EIF3M: variants seen among roughly 807,000 people sequenced by gnomAD.
EIF3M encodes eukaryotic translation initiation factor 3 subunit M, also known as B5 receptor.
Under a neutral mutation model 49.7 loss-of-function variants are expected in EIF3M, and 25 were observed. The ratio of observed to expected loss-of-function variants is 0.50; its 90% confidence interval spans 0.37 to 0.70. EIF3M has a LOEUF of 0.70. EIF3M is among the 30% of genes least tolerant of loss of function. The pLI is 0.00. For missense variants in EIF3M, 350 were observed against 440.0 expected, an observed-to-expected ratio of 0.80 and a Z score of 1.83; for synonymous variants, 156 against 149.8, an observed-to-expected ratio of 1.04 and a Z score of -0.30.
In EIF3M at chr11:32,593,866, T is replaced by C; in HGVS notation, c.534T>C (p.Ser178=). ...LYEALVDCKK[S]DAASKVMVEL... ...TTCCTAAAGCAATATTTCTTTTTAG[T>C]GATGCTGCTTCAAAAGTCATGGTGG... Residue 178 remains serine, a splice_region_variant and synonymous_variant, in exon 6 of 11, where the codon AGT becomes AGC. Transcript: ENST00000531120. The C allele has an allele frequency of 6.4e-7, 1 of 1,563,904 alleles. No individual in the cohort carries two copies. The highest frequency in any genetic ancestry group is 8.6e-7 in the Non-Finnish European group (1 of 1,159,992).
intron 8 of EIF3M, among the ~76,000 whole-genome samples, chr11:32,599,129 C>A (rs960159703): frequency 6.6e-6 from 1 of 152,010 alleles, no homozygotes; most frequent in Non-Finnish European, 1.5e-5. Context: ...AGAACATTTT[C>A]CTTTATTAAC....
rs745694522 is a variant in EIF3M at position 32,600,708 on chromosome 11, T to A, written c.819T>A (p.Asn273Lys). 1 of 1,610,426 alleles carries A rather than the reference T, an allele frequency of 6.2e-7. No homozygotes were observed. Among genetic ancestry groups the A allele is most frequent in the Non-Finnish European group, 8.5e-7 (1 of 1,177,970 alleles). Residue 273 changes from asparagine (N) to lysine (K), a missense_variant, in exon 9 of 11, where the codon AAT (asparagine) becomes AAA (lysine). By Grantham distance (94) the Asn-to-Lys change is moderately conservative. Coordinates refer to ENST00000531120, the MANE Select transcript of EIF3M (RefSeq NM_006360.6). ...IDSLGLLHEQ[N>K]MAKMRLLTFM... ...TTCTAGGCCTGTTACATGAACAGAATATGGCAAAAATGAGACTACTTACTT... is the reference window on the plus strand; with the variant it reads ...TTCTAGGCCTGTTACATGAACAGAAAATGGCAAAAATGAGACTACTTACTT...
chr11:32,590,524 T>G (rs1384713157), intron 5 of EIF3M, among the ~76,000 whole-genome samples: 1 of 152,150 alleles, frequency 6.6e-6, no homozygotes, highest in Non-Finnish European at 1.5e-5. Flanking sequence ...TAGTTGAAAG[T>G]AAGGTTGTAG....
At chr11:32,597,350 A>T (rs1425408805) in intron 8 of EIF3M, among the ~76,000 whole-genome samples, 1 of 151,890 alleles carries the variant, frequency 6.6e-6, no homozygotes, top group African/African-American at 2.4e-5. Context: ...CCCCTACTAT[A>T]CTATTTTATG....
chr11:32,592,325 C>T (rs1319897540), intron 5 of EIF3M: 21 of 546,482 alleles, frequency 3.8e-5, no homozygotes, highest in Non-Finnish European at 6.6e-5. Context: ...TCAAAAGTTA[C>T]AAAAGCAAAT....
rs1427577471 is a variant in EIF3M at position 32,584,092 on chromosome 11, G to A, written c.42+163G>A. 4.5e-6 allele frequency: 4 copies of A among 883,074 alleles called. No individual in the cohort carries two copies. The Admixed American group carries it at 8.2e-5, about 18-fold the overall frequency. 54.7% of individuals were successfully genotyped at this position (883,074 alleles called of 1,614,324 possible). On this transcript the variant is annotated intron_variant, in intron 1 of 10. Coordinates refer to ENST00000531120, the MANE Select transcript of EIF3M (RefSeq NM_006360.6). ...GGCTGGGGCGCGCGTTCCTGGCCTC[G>A]ATTCGCACCAGCTCGCCGGCCGGCG...
chr11:32,597,370 C>A (rs1855196826), intron 8 of EIF3M, among the ~76,000 whole-genome samples: 1 of 151,790 alleles, frequency 6.6e-6, no homozygotes, highest in Non-Finnish European at 1.5e-5. Context: ...GCTTGGATAC[C>A]CCCGCCATTA....
At chr11:32,590,594 T>A (rs545681841) in intron 5 of EIF3M, among the ~76,000 whole-genome samples, 1 of 152,284 alleles carries the variant, frequency 6.6e-6, no homozygotes, top group East Asian at 1.9e-4. Context: ...AGATAGCACT[T>A]ATTGGGCACT....
intron 3 of EIF3M, 81 bp from the exon 4 acceptor site, chr11:32,588,931 C>T: frequency 6.4e-7 from 1 of 1,566,574 alleles, no homozygotes; most frequent in Non-Finnish European, 8.7e-7. Flanking sequence ...GTACCTGCCA[C>T]AGGTTTGTGG....
At position 32,587,075 on chromosome 11, in the gene EIF3M, G is replaced by A; in HGVS notation, c.106G>A (p.Gly36Ser). 6.2e-7 allele frequency: 1 copy of A among 1,612,776 alleles called. No homozygotes were observed. Among genetic ancestry groups the A allele is most frequent in the Non-Finnish European group, 8.5e-7 (1 of 1,178,954 alleles). ...TGAGATTTCAGAAGAGAACTCGGAA[G>A]GTGGACTTCATGTTGATTTAGCTCA... Reference protein sequence around the residue: ...GAEISEENSEGGLHVDLAQII... With the variant: ...GAEISEENSESGLHVDLAQII... Residue 36 changes from glycine to serine, a missense_variant, in exon 2 of 11, where the codon GGT becomes AGT. Coordinates refer to ENST00000531120, the MANE Select transcript of EIF3M (RefSeq NM_006360.6).
chr11:32,601,684 T>C, intron 9 of EIF3M, 78 bp from the exon 10 acceptor site: 1 of 1,332,718 alleles, frequency 7.5e-7, no homozygotes, highest in Admixed American at 2.0e-5. Flanking sequence ...ATGGCTTACT[T>C]GGTCACAGTT....
In EIF3M at chr11:32,583,983, C is replaced by T. The variant is rs930886086; in HGVS notation, c.42+54C>T. 46 of 1,605,048 alleles carry T rather than the reference C, an allele frequency of 2.9e-5. No individual in the cohort carries two copies. The Admixed American group carries it at 6.6e-4, about 23-fold the overall frequency. ...GGTGGGGTGGGGGATGTCCTAGTAG[C>T]GCAAGGGACCGCTGCCGAGCCTGGG... On this transcript the variant is annotated intron_variant, in intron 1 of 10. Transcript: ENST00000531120.
In EIF3M at chr11:32,588,653, CAAG is replaced by C; in HGVS notation, c.239_241del (p.Glu80del). 1.2e-6 allele frequency: 2 copies of C among 1,614,166 alleles called. No homozygotes were observed. Among genetic ancestry groups the C allele is most frequent in the Non-Finnish European group, 1.7e-6 (2 of 1,180,026 alleles). The stretch of plus-strand genomic sequence containing the variant: ...ACTCTTGATCCTGGAACCAGACAAG[CAAG>C]AAGCTTTGATTGAAAGCCTATGTGA... On this transcript the variant is annotated inframe_deletion, in exon 3 of 11. Coordinates refer to ENST00000531120, the MANE Select transcript of EIF3M (RefSeq NM_006360.6).
chr11:32,598,194 G>C (rs901587708), intron 8 of EIF3M, among the ~76,000 whole-genome samples: 4 of 152,154 alleles, frequency 2.6e-5, no homozygotes, highest in African/African-American at 4.8e-5. Flanking sequence ...CTCCCCCATT[G>C]ATGTGTAATT....
At chr11:32,592,925 T>C (rs566540548) in intron 5 of EIF3M, among the ~76,000 whole-genome samples, 2 of 152,366 alleles carry the variant, frequency 1.3e-5, no homozygotes, top group African/African-American at 4.8e-5. Context: ...CCTTAGTAGG[T>C]GGGACTATTG....
chr11:32,590,515 A>C (rs1855083344), intron 5 of EIF3M, among the ~76,000 whole-genome samples: 3 of 152,128 alleles, frequency 2.0e-5, no homozygotes, highest in Admixed American at 2.0e-4. Flanking sequence ...TAACACCCTT[A>C]GTTGAAAGTA....
At chr11:32,586,876 A>AG in intron 1 of EIF3M, 136 bp from the exon 2 acceptor site, 1 of 1,204,054 alleles carries the variant, frequency 8.3e-7, no homozygotes, top group Non-Finnish European at 1.1e-6. Context: ...GGATGAGGTG[A>AG]GGGAGGGGTC....
At chr11:32,594,073 A>G in intron 6 of EIF3M, 124 bp downstream of exon 6, 1 of 542,140 alleles carries the variant, frequency 1.8e-6, no homozygotes. Flanking sequence ...GATAGTGTGT[A>G]TTTCCTGGTG....
Position 32,604,739 on chromosome 11 carries a change from C to G in EIF3M, c.*2340C>G, listed in dbSNP as rs532558005. 1 of 152,298 alleles carries G rather than the reference C, an allele frequency of 6.6e-6. No homozygotes were observed. Among genetic ancestry groups the G allele is most frequent in the South Asian group, 2.1e-4 (1 of 4,828 alleles). The allele number at this position is 152,298 out of a possible 1,614,324, so 9.4% of individuals were successfully genotyped here. A position where few individuals can be genotyped will look rare whatever the true frequency, so the allele number is the denominator to read the frequency against. On this transcript the variant is annotated 3_prime_UTR_variant, in exon 11 of 11. Coordinates refer to ENST00000531120, the MANE Select transcript of EIF3M (RefSeq NM_006360.6). Reference sequence around the variant, plus strand: ...CAGTGATTATCATTTGTTCATAAATCTTTGTGAAGATCTTTGGGTACTGCC... The same window carrying G: ...CAGTGATTATCATTTGTTCATAAATGTTTGTGAAGATCTTTGGGTACTGCC...
Sources: gnomAD v4.1 joint callset for allele counts (sites outside exome capture counted in the v4.1 genomes callset) on GRCh38, gnomAD v4.1.1 for gene constraint, MANE v1.5 for transcripts, NCBI Gene and HGNC (gene_info 2026-07-23, HGNC 2026-07-21) for gene names.